The following ELAPOR2 variants were observed in gnomAD, a reference collection of about 807,000 sequenced individuals.
The protein encoded by ELAPOR2 is endosome-lysosome associated apoptosis and autophagy regulator family member 2.
A neutral mutation model predicts 120.7 loss-of-function variants in ELAPOR2; 89 were observed. The ratio of observed to expected loss-of-function variants is 0.74; its 90% CI spans 0.62 to 0.88. The LOEUF (loss-of-function observed/expected upper bound fraction) is 0.88, where lower values mean the gene tolerates loss of function less well. Ranked by LOEUF, ELAPOR2 falls within the 40% of genes least tolerant of loss-of-function variation. ELAPOR2 has a pLI of 0.00. For missense variants in ELAPOR2, 1,134 were observed against 1,251.6 expected (o/e 0.91, Z 1.42); for synonymous variants, 444 against 444.9 (o/e 1.00, Z 0.03).
chr7:86,914,530 T>A lies in ELAPOR2; in HGVS notation c.1731+193A>T, dbSNP rs558388651. On this transcript the variant is annotated intron_variant, in intron 13 of 21. Coordinates refer to ENST00000450689, the MANE Select transcript of ELAPOR2 (RefSeq NM_001142749.3). ...AATTCAAAGACATGTTGTTATTTTA[T>A]TCCATACATTCTTACTCTCAAAAAA... 1.3e-4 allele frequency among the ~76,000 whole-genome samples: 20 copies of A among 152,316 alleles called. 1 individual carries two copies. The South Asian group carries it at 4.1e-3, about 32-fold the overall frequency.
In ELAPOR2 at chr7:86,897,598, A is replaced by T; in HGVS notation, c.2593T>A (p.Phe865Ile). Residue 865 changes from phenylalanine to isoleucine, a missense_variant, in exon 19 of 22, where the codon TTC (phenylalanine) becomes ATC (isoleucine). By Grantham distance (21) the Phe-to-Ile change is conservative. Coordinates refer to ENST00000450689, the MANE Select transcript of ELAPOR2 (RefSeq NM_001142749.3). ...CPAGTCDGCT[F>I]YFLWESAEAC... ...TCAGCACTCTCCCACAGGAAATAGA[A>T]CGTACACCCATCACAGGTACCTGCT... 6.2e-7 allele frequency: 1 copy of T among 1,613,396 alleles called. No homozygotes were observed. The highest frequency in any genetic ancestry group is 8.5e-7 in the Non-Finnish European group (1 of 1,179,548).
intron 17 of ELAPOR2, 67 bp from the exon 18 acceptor site, chr7:86,907,838 G>A: frequency 1.3e-6 from 1 of 789,480 alleles, no homozygotes. Context: ...AAAAATATGG[G>A]AATAATTGCT....
Position 86,943,338 on chromosome 7 carries a change from A to G in ELAPOR2, c.655-1234T>C, listed in dbSNP as rs182465799. Among the ~76,000 whole-genome samples the G allele has an allele frequency of 1.1e-4, 16 of 152,088 alleles. No homozygotes were observed. In the East Asian group the frequency reaches 3.1e-3, roughly 29 times the overall value. On this transcript the variant is annotated intron_variant, in intron 4 of 21. Transcript: ENST00000450689. ...TAGAAGGGCTGAATGAAAGTTTCATATAGTTCCAAAATTAAATACTTTGTT... is the reference window on the plus strand; with the variant it reads ...TAGAAGGGCTGAATGAAAGTTTCATGTAGTTCCAAAATTAAATACTTTGTT...
chr7:86,919,307 C>T lies in ELAPOR2; in HGVS notation c.1403G>A (p.Trp468Ter). 1 of 1,600,772 alleles carries T rather than the reference C, an allele frequency of 6.2e-7. No homozygotes were observed. Among genetic ancestry groups the T allele is most frequent in the Non-Finnish European group, 8.5e-7 (1 of 1,171,064 alleles). The change falls in exon 11 of 22, where the codon TGG becomes TAG. Residue 468 changes from tryptophan (W) to a stop codon, truncating the protein, a stop_gained. Coordinates refer to ENST00000450689, the MANE Select transcript of ELAPOR2 (RefSeq NM_001142749.3). LOFTEE classifies it high-confidence loss of function. ...GNSKCDGMNG[W>*]EVAGDHIQSG... ...CTGGATATGATCTCCAGCCACCTCC[C>T]AACCTAGAAGTAATAAAAGTCATTT... is the stretch of plus-strand genomic sequence containing the variant.
At chr7:87,054,483 G>A (rs937643837) in intron 1 of ELAPOR2, among the ~76,000 whole-genome samples, 4 of 152,186 alleles carry the variant, frequency 2.6e-5, no homozygotes, top group Non-Finnish European at 4.4e-5. Context: ...GATTAGTTAC[G>A]TTAACTGCTT....
At chr7:87,007,742 T>A (rs1793529235) in intron 1 of ELAPOR2, among the ~76,000 whole-genome samples, 1 of 152,162 alleles carries the variant, frequency 6.6e-6, no homozygotes, top group South Asian at 2.1e-4. Flanking sequence ...AAAGAATGAA[T>A]GAAACAGGTA....
At chr7:86,927,674 A>T (rs922613001) in intron 8 of ELAPOR2, among the ~76,000 whole-genome samples, 1 of 151,986 alleles carries the variant, frequency 6.6e-6, no homozygotes, top group African/African-American at 2.4e-5. Context: ...TTATTATCAA[A>T]TTTTTATTCT....
chr7:87,054,260 CTA>C (rs749024018), intron 1 of ELAPOR2, among the ~76,000 whole-genome samples: 5 of 152,182 alleles, frequency 3.3e-5, no homozygotes, highest in Non-Finnish European at 5.9e-5. Flanking sequence ...GGAGAAGACA[CTA>C]TGATAGGAAA....
At chr7:86,937,685 T>C (rs1480833760) in intron 8 of ELAPOR2, among the ~76,000 whole-genome samples, 1 of 152,134 alleles carries the variant, frequency 6.6e-6, no homozygotes, top group African/African-American at 2.4e-5. Flanking sequence ...AGAGAAGTTA[T>C]AAGAACTTTC....
intron 21 of ELAPOR2, among the ~76,000 whole-genome samples, chr7:86,887,496 C>G (rs560987544): frequency 6.6e-6 from 1 of 152,150 alleles, no homozygotes; most frequent in African/African-American, 2.4e-5. Context: ...TATGGTGTTG[C>G]TATTCCAGTC....
intron 10 of ELAPOR2, among the ~76,000 whole-genome samples, chr7:86,924,201 T>C (rs2116211268): frequency 6.6e-6 from 1 of 152,240 alleles, no homozygotes; most frequent in East Asian, 1.9e-4. Context: ...TGCAGAGATT[T>C]ATACTTTTCA....
chr7:86,938,486 T>C (rs1010947597), intron 7 of ELAPOR2, among the ~76,000 whole-genome samples: 23 of 152,186 alleles, frequency 1.5e-4, no homozygotes, highest in African/African-American at 5.5e-4. Context: ...ATTGGAAATT[T>C]GGAACAAATT....
At chr7:87,054,152 G>T (rs1189838207) in intron 1 of ELAPOR2, among the ~76,000 whole-genome samples, 1 of 152,178 alleles carries the variant, frequency 6.6e-6, no homozygotes, top group Non-Finnish European at 1.5e-5. Context: ...AAAGGAAAGA[G>T]AATAATCTGT....
At chr7:86,927,078 AT>A (rs1790106620) in intron 8 of ELAPOR2, among the ~76,000 whole-genome samples, 162 bp from the exon 9 acceptor site, 1 of 151,950 alleles carries the variant, frequency 6.6e-6, no homozygotes, top group Non-Finnish European at 1.5e-5. Flanking sequence ...AAGAGAGAAC[AT>A]TGGTGGGGAA....
At chr7:86,920,269 G>T (rs1433638565) in intron 10 of ELAPOR2, among the ~76,000 whole-genome samples, 1 of 152,096 alleles carries the variant, frequency 6.6e-6, no homozygotes, top group Non-Finnish European at 1.5e-5. Context: ...CCATTGTTTG[G>T]CTATCTAATG....
chr7:87,016,841 A>G (rs1793885544), intron 1 of ELAPOR2, among the ~76,000 whole-genome samples: 2 of 152,074 alleles, frequency 1.3e-5, no homozygotes, highest in Admixed American at 1.3e-4. Context: ...CCCAAAGTAA[A>G]AAGTTCTCTA....
chr7:86,881,144 A>C (rs1387898709), intron 21 of ELAPOR2, among the ~76,000 whole-genome samples: 1 of 152,164 alleles, frequency 6.6e-6, no homozygotes, highest in Non-Finnish European at 1.5e-5. Context: ...CTATTAAAAT[A>C]AATTAGTTTT....
At chr7:86,928,853 C>T (rs562861732) in intron 8 of ELAPOR2, among the ~76,000 whole-genome samples, 1 of 152,030 alleles carries the variant, frequency 6.6e-6, no homozygotes, top group East Asian at 1.9e-4. Flanking sequence ...TTTACAAAGC[C>T]TCTTGTTTCA....
At chr7:86,978,955 G>C (rs1792370434) in intron 1 of ELAPOR2, among the ~76,000 whole-genome samples, 1 of 152,180 alleles carries the variant, frequency 6.6e-6, no homozygotes, top group Non-Finnish European at 1.5e-5. Flanking sequence ...ATTCTGAAAT[G>C]CAGATTTGAA....
Sources: gnomAD v4.1 joint callset for allele counts (sites outside exome capture counted in the v4.1 genomes callset) on GRCh38, gnomAD v4.1.1 for gene constraint, MANE v1.5 for transcripts, NCBI Gene and HGNC (gene_info 2026-07-23, HGNC 2026-07-21) for gene names.